MAGI1: variants seen among roughly 807,000 people sequenced by gnomAD.
The protein encoded by MAGI1 is membrane-associated guanylate kinase, WW and PDZ domain-containing protein 1.
MAGI1 carries 58 observed loss-of-function variants against 139.9 expected under a neutral mutation model. The ratio of observed to expected loss-of-function variants is 0.41; its 90% CI spans 0.34 to 0.52. MAGI1 has a LOEUF of 0.52. Among genes scored for constraint, MAGI1 ranks in the 20% least tolerant of loss-of-function variants. MAGI1 has a pLI of 0.12. For synonymous variants in MAGI1, 812 were observed against 737.9 expected (o/e 1.10, Z -1.63); for missense variants, 1,874 against 1,901.6 (o/e 0.99, Z 0.27).
intron 12 of MAGI1, among the ~76,000 whole-genome samples, chr3:65,427,438 T>C (rs977628183): frequency 1.3e-5 from 2 of 152,220 alleles, no homozygotes; most frequent in Non-Finnish European, 2.9e-5. Context: ...TGAAACTTTA[T>C]GTTTGGTCTC....
At chr3:65,628,377 A>G (rs1425749074) in intron 1 of MAGI1, among the ~76,000 whole-genome samples, 2 of 152,166 alleles carry the variant, frequency 1.3e-5, no homozygotes, top group East Asian at 3.9e-4. Flanking sequence ...AAATCAGCAA[A>G]GGAAAAAGTC....
intron 2 of MAGI1, among the ~76,000 whole-genome samples, chr3:65,616,537 C>A (rs1332306340): frequency 1.3e-5 from 2 of 152,080 alleles, no homozygotes; most frequent in African/African-American, 4.8e-5. Context: ...ACAGTAGGTA[C>A]CCAAAAGCTG....
chr3:66,023,901 G>A (rs1043162365), intron 1 of MAGI1, among the ~76,000 whole-genome samples: 5 of 152,004 alleles, frequency 3.3e-5, no homozygotes, highest in African/African-American at 1.2e-4. Flanking sequence ...CAGGGCCCTG[G>A]GACAAAATAT....
chr3:65,489,589 A>G (rs145456555), intron 3 of MAGI1, among the ~76,000 whole-genome samples: 62 of 152,310 alleles, frequency 4.1e-4, no homozygotes, highest in African/African-American at 1.5e-3. Context: ...ATAGACAGAT[A>G]GATACATAGA....
At chr3:65,633,840 A>T (rs1359870225) in intron 1 of MAGI1, among the ~76,000 whole-genome samples, 1 of 152,200 alleles carries the variant, frequency 6.6e-6, no homozygotes, top group Non-Finnish European at 1.5e-5. Flanking sequence ...GCCCTCGTAA[A>T]CAGCTGCATA....
intron 18 of MAGI1, among the ~76,000 whole-genome samples, chr3:65,365,424 A>G (rs2106753975): frequency 6.6e-6 from 1 of 152,324 alleles, no homozygotes; most frequent in South Asian, 2.1e-4. Flanking sequence ...GAAGTGTACT[A>G]ACAACTTGTT....
At chr3:65,779,252 C>T (rs2038733370) in intron 1 of MAGI1, among the ~76,000 whole-genome samples, 1 of 152,174 alleles carries the variant, frequency 6.6e-6, no homozygotes, top group Admixed American at 6.5e-5. Context: ...ACACCCAGGG[C>T]TCTGGCAGCG....
chr3:65,380,765 C>T (rs184556846), intron 16 of MAGI1: 4 of 152,178 alleles, frequency 2.6e-5, no homozygotes, highest in East Asian at 1.9e-4. Flanking sequence ...GCCAGGGAAG[C>T]GAGATAGTTA....
intron 2 of MAGI1, among the ~76,000 whole-genome samples, chr3:65,591,306 A>T (rs1306649761): frequency 6.6e-6 from 1 of 152,140 alleles, no homozygotes; most frequent in Non-Finnish European, 1.5e-5. Context: ...CATGTTAAAA[A>T]GCAAAAAACC....
intron 1 of MAGI1, among the ~76,000 whole-genome samples, chr3:65,968,504 G>A (rs1406945426): frequency 2.6e-5 from 4 of 151,846 alleles, no homozygotes; most frequent in African/African-American, 7.3e-5. Context: ...AGCTGTAAAC[G>A]TGAAGTGGAA....
At chr3:65,714,706 T>C (rs1320470076) in intron 1 of MAGI1, among the ~76,000 whole-genome samples, 2 of 152,134 alleles carry the variant, frequency 1.3e-5, no homozygotes, top group African/African-American at 4.8e-5. Flanking sequence ...TTTAGCTTTC[T>C]ACAGGTAAAT....
intron 3 of MAGI1, among the ~76,000 whole-genome samples, chr3:65,482,394 G>A (rs1294108651): frequency 6.6e-6 from 1 of 152,138 alleles, no homozygotes; most frequent in African/African-American, 2.4e-5. Context: ...ATTGTTTTGA[G>A]GATCAAAGAG....
chr3:65,663,181 G>A (rs546479332), intron 1 of MAGI1, among the ~76,000 whole-genome samples: 1 of 152,206 alleles, frequency 6.6e-6, no homozygotes, highest in Non-Finnish European at 1.5e-5. Flanking sequence ...CAACATGTGT[G>A]AAGCCTGGGA....
intron 1 of MAGI1, among the ~76,000 whole-genome samples, chr3:65,690,978 G>C (rs2088575997): frequency 2.0e-5 from 3 of 152,168 alleles, no homozygotes; most frequent in Admixed American, 2.0e-4. Flanking sequence ...ACCATCCTGA[G>C]AGTATTTCTT....
At chr3:65,878,093 AGAGT>A (rs1220172257) in intron 1 of MAGI1, among the ~76,000 whole-genome samples, 3 of 152,038 alleles carry the variant, frequency 2.0e-5, no homozygotes, top group Admixed American at 1.3e-4. Flanking sequence ...CCTACGTGAC[AGAGT>A]GAGGTTCTGT....
intron 1 of MAGI1, among the ~76,000 whole-genome samples, chr3:65,985,013 T>G (rs1048622584): frequency 6.6e-6 from 1 of 152,194 alleles, no homozygotes; most frequent in Non-Finnish European, 1.5e-5. Context: ...CTCCATCCAG[T>G]TCTCTGTAGT....
chr3:66,010,841 G>A (rs1452304836), intron 1 of MAGI1, among the ~76,000 whole-genome samples: 3 of 152,224 alleles, frequency 2.0e-5, no homozygotes, highest in Non-Finnish European at 2.9e-5. Flanking sequence ...TTTCCAGGCA[G>A]TGATAAAAGC....
chr3:65,559,739 A>T (rs1016589584), intron 2 of MAGI1, among the ~76,000 whole-genome samples: 2 of 152,216 alleles, frequency 1.3e-5, no homozygotes, highest in African/African-American at 4.8e-5. Flanking sequence ...ACAAACCAGG[A>T]TTTAAAACAC....
chr3:66,021,163 G>C (rs1163717187), intron 1 of MAGI1, among the ~76,000 whole-genome samples: 1 of 152,174 alleles, frequency 6.6e-6, no homozygotes, highest in Non-Finnish European at 1.5e-5. Flanking sequence ...GATTTAAACT[G>C]TGTGTCAGTA....
Sources: gnomAD v4.1 joint callset for allele counts (sites outside exome capture counted in the v4.1 genomes callset) on GRCh38, gnomAD v4.1.1 for gene constraint, MANE v1.5 for transcripts, NCBI Gene and HGNC (gene_info 2026-07-23, HGNC 2026-07-21) for gene names.